SCD5: variants seen among roughly 807,000 people sequenced by gnomAD.
The protein encoded by SCD5 is stearoyl-CoA desaturase 5.
Under a neutral mutation model 30.4 loss-of-function variants are expected in SCD5, and 20 were observed. The ratio of observed to expected loss-of-function variants is 0.66; its 90% CI spans 0.46 to 0.96. The LOEUF (loss-of-function observed/expected upper bound fraction) is 0.96, where lower values mean the gene tolerates loss of function less well. SCD5 is among the 40% of genes least tolerant of loss of function. The pLI, the probability that SCD5 is intolerant of heterozygous loss-of-function variation, is 0.00. For missense variants in SCD5, 381 were observed against 443.3 expected (o/e 0.86, Z 1.26); for synonymous variants, 173 against 176.4 (o/e 0.98, Z 0.16).
chr4:82,711,999 A>G (rs533094711), intron 1 of SCD5, among the ~76,000 whole-genome samples: 1 of 151,666 alleles, frequency 6.6e-6, no homozygotes, highest in African/African-American at 2.4e-5. Context: ...AATAAGAGCT[A>G]CCATTGACTG....
chr4:82,717,962 A>G (rs1720265751), intron 1 of SCD5, among the ~76,000 whole-genome samples: 1 of 94,780 alleles, frequency 1.1e-5, no homozygotes, highest in African/African-American at 6.5e-5. Context: ...CTGAAGGAAG[A>G]TAAAAATTAA....
At chr4:82,679,794 A>T (rs17006107) in intron 3 of SCD5, among the ~76,000 whole-genome samples, 18,316 of 152,150 alleles carry the variant, frequency 0.12, 1,468 homozygotes, top group South Asian at 0.25. Flanking sequence ...TTTCATGCAA[A>T]GATTCTTGTG....
At chr4:82,787,506 G>A (rs561618097) in intron 1 of SCD5, among the ~76,000 whole-genome samples, 9 of 152,146 alleles carry the variant, frequency 5.9e-5, no homozygotes, top group Admixed American at 1.3e-4. Context: ...CAGCAGCCAC[G>A]CCCTCCGCTT....
intron 1 of SCD5, among the ~76,000 whole-genome samples, chr4:82,714,541 G>T (rs1171380064): frequency 6.6e-6 from 1 of 152,154 alleles, no homozygotes; most frequent in Non-Finnish European, 1.5e-5. Flanking sequence ...GCATGGAGGT[G>T]TGAAGGCTGT....
intron 1 of SCD5, among the ~76,000 whole-genome samples, chr4:82,785,466 C>T (rs1412017848): frequency 1.3e-5 from 2 of 152,208 alleles, no homozygotes; most frequent in Non-Finnish European, 2.9e-5. Flanking sequence ...TTCGTTTGTC[C>T]TGTCACTTCC....
At chr4:82,638,265 C>T (rs1301327770) in intron 3 of SCD5, among the ~76,000 whole-genome samples, 1 of 152,022 alleles carries the variant, frequency 6.6e-6, no homozygotes, top group Non-Finnish European at 1.5e-5. Context: ...CAATTAGATG[C>T]CCCGCCCCCT....
intron 3 of SCD5, among the ~76,000 whole-genome samples, chr4:82,679,240 GAA>G (rs1491296198): frequency 4.0e-5 from 4 of 99,930 alleles, no homozygotes; most frequent in South Asian, 6.5e-4. Flanking sequence ...AAGAAAGAAA[GAA>G]AGAAAGAAAG....
At chr4:82,690,328 T>C (rs940754112) in intron 2 of SCD5, among the ~76,000 whole-genome samples, 1 of 152,066 alleles carries the variant, frequency 6.6e-6, no homozygotes, top group African/African-American at 2.4e-5. Context: ...ACTCTAAGAG[T>C]TGGTGAATCT....
intron 3 of SCD5, among the ~76,000 whole-genome samples, chr4:82,645,799 T>C (rs1004995302): frequency 2.0e-5 from 3 of 152,192 alleles, no homozygotes; most frequent in African/African-American, 7.2e-5. Context: ...CTAAGAATAG[T>C]CTTGAAACAA....
intron 4 of SCD5, among the ~76,000 whole-genome samples, chr4:82,632,413 A>AT (rs1399302538): frequency 1.3e-5 from 2 of 151,308 alleles, no homozygotes; most frequent in Non-Finnish European, 2.9e-5. Flanking sequence ...TATGTGCCAC[A>AT]TTTTTTTTAA....
intron 1 of SCD5, among the ~76,000 whole-genome samples, chr4:82,784,910 T>C (rs1721953487): frequency 6.6e-6 from 1 of 152,218 alleles, no homozygotes; most frequent in South Asian, 2.1e-4. Context: ...TGTTGGCGAT[T>C]CCAGGAGTAC....
intron 1 of SCD5, among the ~76,000 whole-genome samples, chr4:82,746,541 A>G (rs1340852927): frequency 6.6e-6 from 1 of 152,174 alleles, no homozygotes; most frequent in Non-Finnish European, 1.5e-5. Context: ...AATTTCTTGA[A>G]GCATATCAGC....
At chr4:82,638,734 A>G (rs547448269) in intron 3 of SCD5, among the ~76,000 whole-genome samples, 1 of 152,310 alleles carries the variant, frequency 6.6e-6, no homozygotes, top group East Asian at 1.9e-4. Flanking sequence ...AGCTGGGCTG[A>G]GAATATGAGT....
chr4:82,691,499 G>A (rs1481099112), intron 2 of SCD5, among the ~76,000 whole-genome samples: 1 of 152,108 alleles, frequency 6.6e-6, no homozygotes, highest in Non-Finnish European at 1.5e-5. Flanking sequence ...TATGAGATGA[G>A]GTCTAAGACA....
chr4:82,742,815 GAGAGCTCACCAATGATGCGGGTCTCTGA>G (rs1720906043), intron 1 of SCD5, among the ~76,000 whole-genome samples: 1 of 152,150 alleles, frequency 6.6e-6, no homozygotes, highest in Non-Finnish European at 1.5e-5. Context: ...AATTACAGGA[GAGAGCTCACCAATGATGCGGGTCTCTGA>G]AGAGCCCACC....
At chr4:82,754,524 C>T (rs1398723188) in intron 1 of SCD5, among the ~76,000 whole-genome samples, 2 of 152,094 alleles carry the variant, frequency 1.3e-5, no homozygotes, top group Admixed American at 6.5e-5. Context: ...CAGGACCCAC[C>T]CTCCCCTCAC....
chr4:82,654,272 G>A (rs1727823831), intron 3 of SCD5, among the ~76,000 whole-genome samples: 1 of 152,186 alleles, frequency 6.6e-6, no homozygotes, highest in Non-Finnish European at 1.5e-5. Context: ...AGGAAAACAG[G>A]CAGTGTGAAG....
At chr4:82,705,535 T>A in intron 1 of SCD5, 122 bp from the exon 2 acceptor site, 1 of 1,318,760 alleles carries the variant, frequency 7.6e-7, no homozygotes, top group Non-Finnish European at 1.0e-6. Context: ...AGCTGCAACA[T>A]GAAGAATCAA....
intron 1 of SCD5, among the ~76,000 whole-genome samples, chr4:82,762,261 A>AT (rs111938937): frequency 1 from 137,328 of 137,874 alleles, 68,392 homozygotes; most frequent in East Asian, 1. Flanking sequence ...CAAGGGGCTA[A>AT]TTTTTTTTTT....
Sources: allele counts gnomAD v4.1 joint callset (sites outside exome capture counted in the v4.1 genomes callset), GRCh38; gene constraint gnomAD v4.1.1; transcripts MANE v1.5; gene names NCBI Gene and HGNC (gene_info 2026-07-23, HGNC 2026-07-21).